ZBTB44: variants seen among roughly 807,000 people sequenced by gnomAD.
ZBTB44 encodes the protein zinc finger and BTB domain-containing protein 44.
In ZBTB44, 15 loss-of-function variants were observed where a neutral mutation model predicts 54.0. The observed-to-expected ratio is 0.28, with a 90% CI of 0.19 to 0.43. The LOEUF (loss-of-function observed/expected upper bound fraction) is 0.43, where lower values mean the gene tolerates loss of function less well. Among genes scored for constraint, ZBTB44 ranks in the 20% least tolerant of loss-of-function variants. The pLI, the probability that ZBTB44 is intolerant of heterozygous loss-of-function variation, is 1.00. For missense variants in ZBTB44, 487 were observed against 707.1 expected (o/e 0.69, Z 3.53); for synonymous variants, 230 against 250.1 (o/e 0.92, Z 0.76).
intron 1 of ZBTB44, among the ~76,000 whole-genome samples, chr11:130,282,241 G>A (rs111629286): frequency 0.015 from 2,276 of 152,138 alleles, 26 homozygotes; most frequent in Non-Finnish European, 0.023. Context: ...ATCACTATCC[G>A]TCTCTGGAGC....
At chr11:130,265,676 T>C (rs1347942980) in intron 1 of ZBTB44, among the ~76,000 whole-genome samples, 1 of 152,232 alleles carries the variant, frequency 6.6e-6, no homozygotes, top group Non-Finnish European at 1.5e-5. Flanking sequence ...AACAGCCTTA[T>C]TGCTGACATG....
chr11:130,253,359 C>T (rs1292240731), intron 2 of ZBTB44, among the ~76,000 whole-genome samples: 1 of 152,212 alleles, frequency 6.6e-6, no homozygotes, highest in East Asian at 1.9e-4. Flanking sequence ...TGATAAGCAA[C>T]TTCAGCAAAG....
At chr11:130,256,655 A>AAAAT (rs976935750) in intron 2 of ZBTB44, among the ~76,000 whole-genome samples, 20 of 147,770 alleles carry the variant, frequency 1.4e-4, no homozygotes, top group African/African-American at 5.0e-4. Flanking sequence ...CTCCGTCTCA[A>AAAAT]AAATAAATAA....
At position 130,234,357 on chromosome 11, in the gene ZBTB44, CA is replaced by C. The variant is rs1423030928; in HGVS notation, c.1569-85del. 105 of 1,353,266 alleles carry C rather than the reference CA, an allele frequency of 7.8e-5. No individual in the cohort carries two copies. The African/African-American group carries it at 1.2e-3, about 16-fold the overall frequency. 83.8% of individuals were successfully genotyped at this position (1,353,266 alleles called of 1,614,324 possible). A position where few individuals can be genotyped will look rare whatever the true frequency, so the allele number is the denominator to read the frequency against. ...CAACAGTAAAAAGCTCTGATTTATA[CA>C]ACAAAATTGGGACTCTTCATTTCAC... is the stretch of plus-strand genomic sequence containing the variant. On this transcript the variant is annotated intron_variant, in intron 5 of 7. Transcript: ENST00000357899.
intron 1 of ZBTB44, chr11:130,285,637 C>T: frequency 7.7e-6 from 2 of 259,726 alleles, no homozygotes; most frequent in Non-Finnish European, 7.7e-6. Flanking sequence ...GTTGGAATAT[C>T]CCCTACTTCA....
intron 2 of ZBTB44, among the ~76,000 whole-genome samples, chr11:130,258,002 C>T (rs1938575217): frequency 6.6e-6 from 1 of 152,130 alleles, no homozygotes; most frequent in Non-Finnish European, 1.5e-5. Context: ...ACAGAAGTGA[C>T]CTTGATAATT....
chr11:130,286,862 T>C (rs190565765), intron 1 of ZBTB44, among the ~76,000 whole-genome samples: 1 of 152,206 alleles, frequency 6.6e-6, no homozygotes. Flanking sequence ...GATGAGTCTA[T>C]GTAAAGAGCC....
intron 1 of ZBTB44, among the ~76,000 whole-genome samples, chr11:130,301,362 A>T (rs981108306): frequency 1.3e-5 from 2 of 152,228 alleles, no homozygotes; most frequent in Non-Finnish European, 2.9e-5. Flanking sequence ...CATGAAAAAT[A>T]ACACGTGGAG....
chr11:130,263,693 G>A lies in ZBTB44; in HGVS notation c.-56-1764C>T, dbSNP rs566974863. 1.1e-4 allele frequency among the ~76,000 whole-genome samples: 16 copies of A among 152,294 alleles called. No homozygotes were observed. The South Asian group carries it at 2.5e-3, about 24-fold the overall frequency. ...GAGGCACAAGGGCACCTTATACAAG[G>A]GGTAGTGGAAAACTATTTTCAACCT... On this transcript the variant is annotated intron_variant, in intron 1 of 7. Transcript: ENST00000357899.
intron 2 of ZBTB44, among the ~76,000 whole-genome samples, chr11:130,251,425 A>C (rs1010609557): frequency 4.6e-5 from 7 of 152,188 alleles, no homozygotes; most frequent in Admixed American, 1.3e-4. Context: ...GCCAACATTC[A>C]AATTCAGGAA....
intron 1 of ZBTB44, among the ~76,000 whole-genome samples, chr11:130,266,912 T>C (rs995791149): frequency 1.3e-5 from 2 of 152,178 alleles, no homozygotes; most frequent in African/African-American, 2.4e-5. Context: ...ATACACCTTG[T>C]TGATAAAGCA....
intron 1 of ZBTB44, among the ~76,000 whole-genome samples, chr11:130,299,652 A>T (rs1194226647): frequency 1.3e-5 from 2 of 152,206 alleles, no homozygotes; most frequent in East Asian, 3.8e-4. Context: ...AAAAAAAACA[A>T]AATAACAAGT....
chr11:130,271,060 C>T (rs1276912766), intron 1 of ZBTB44, among the ~76,000 whole-genome samples: 1 of 152,142 alleles, frequency 6.6e-6, no homozygotes, highest in Non-Finnish European at 1.5e-5. Flanking sequence ...CATTTTGTGT[C>T]TAATTTCTCT....
intron 1 of ZBTB44, among the ~76,000 whole-genome samples, chr11:130,276,488 G>T (rs1224305142): frequency 1.3e-5 from 2 of 149,878 alleles, no homozygotes; most frequent in Non-Finnish European, 3.0e-5. Flanking sequence ...AGGCTGGAGT[G>T]CAGTGGCATG....
At chr11:130,265,750 C>G (rs111283047) in intron 1 of ZBTB44, among the ~76,000 whole-genome samples, 3 of 152,112 alleles carry the variant, frequency 2.0e-5, no homozygotes, top group African/African-American at 7.2e-5. Context: ...AAATCAAAGC[C>G]TAATCCAGCG....
chr11:130,312,910 T>G (rs1219048637), intron 1 of ZBTB44, among the ~76,000 whole-genome samples: 2 of 152,222 alleles, frequency 1.3e-5, no homozygotes, highest in Non-Finnish European at 2.9e-5. Flanking sequence ...TTACAGTGTT[T>G]GCAGCTTACT....
chr11:130,304,067 T>C (rs1203559032), intron 1 of ZBTB44, among the ~76,000 whole-genome samples: 1 of 149,570 alleles, frequency 6.7e-6, no homozygotes, highest in Non-Finnish European at 1.5e-5. Flanking sequence ...ATCTAATGTA[T>C]TTTTTTAATT....
chr11:130,268,250 T>C (rs982183078), intron 1 of ZBTB44, among the ~76,000 whole-genome samples: 3 of 132,592 alleles, frequency 2.3e-5, no homozygotes, highest in African/African-American at 9.0e-5. Flanking sequence ...GGGGGTGGAG[T>C]GGGGTAGGGG....
At chr11:130,251,127 G>T (rs552204327) in intron 2 of ZBTB44, among the ~76,000 whole-genome samples, 1 of 152,090 alleles carries the variant, frequency 6.6e-6, no homozygotes, top group Non-Finnish European at 1.5e-5. Context: ...AAAAAACACA[G>T]CACGAGAACT....
Sources: allele counts gnomAD v4.1 joint callset (sites outside exome capture counted in the v4.1 genomes callset), GRCh38; gene constraint gnomAD v4.1.1; transcripts MANE v1.5; gene names NCBI Gene and HGNC (gene_info 2026-07-23, HGNC 2026-07-21).